The following TUSC3 variants were observed in gnomAD, a reference collection of about 807,000 sequenced individuals.
The protein encoded by TUSC3 is dolichyl-diphosphooligosaccharide--protein glycosyltransferase subunit TUSC3.
In TUSC3, 45 loss-of-function variants were observed where a neutral mutation model predicts 44.8. That is an observed-to-expected ratio of 1.00 (90% confidence interval 0.79 to 1.29). The LOEUF is 1.29. Among genes scored for constraint, TUSC3 ranks in the 50% most tolerant of loss-of-function variants. The probability of loss-of-function intolerance (pLI) is 0.00; values close to 1 mark genes in which losing one functional copy is unlikely to be tolerated. For synonymous variants in TUSC3, 212 were observed against 152.9 expected, an observed-to-expected ratio of 1.39 and a Z score of -2.85; for missense variants, 519 against 437.9, an observed-to-expected ratio of 1.19 and a Z score of -1.65.
chr8:15,638,649 C>G (rs1477119146), intron 2 of TUSC3, among the ~76,000 whole-genome samples: 1 of 150,722 alleles, frequency 6.6e-6, no homozygotes, highest in Non-Finnish European at 1.5e-5. Flanking sequence ...CTGCAGCCTC[C>G]TTAGTAGCTG....
intron 1 of TUSC3, among the ~76,000 whole-genome samples, chr8:15,422,423 G>T (rs985749242): frequency 3.3e-5 from 5 of 152,066 alleles, no homozygotes; most frequent in African/African-American, 1.2e-4. Context: ...AATGGGGACC[G>T]GCAGAGTAGG....
intron 7 of TUSC3, chr8:15,733,344 T>G (rs561870100): frequency 7.5e-6 from 3 of 400,866 alleles, no homozygotes; most frequent in Non-Finnish European, 1.4e-5. Flanking sequence ...TATTATAGCT[T>G]CTTTTTGTTT....
intron 6 of TUSC3, among the ~76,000 whole-genome samples, chr8:15,706,139 G>A (rs773509856): frequency 1.8e-4 from 28 of 151,840 alleles, no homozygotes; most frequent in Admixed American, 8.5e-4. Flanking sequence ...TACTTCTGAT[G>A]TATTATAATA....
intron 4 of TUSC3, among the ~76,000 whole-genome samples, chr8:15,660,388 A>G (rs1229164319): frequency 6.6e-6 from 1 of 152,056 alleles, no homozygotes; most frequent in African/African-American, 2.4e-5. Context: ...TTAGTTTTTT[A>G]TAAAGTACAA....
At chr8:15,553,607 A>T (rs1244572990) in intron 1 of TUSC3, among the ~76,000 whole-genome samples, 3 of 151,628 alleles carry the variant, frequency 2.0e-5, no homozygotes, top group Non-Finnish European at 4.4e-5. Context: ...TAACAACTGA[A>T]CAGTTCTTCG....
rs1812062371 is a variant in TUSC3, at chr8:15,759,162, C to T, written c.*46+1307C>T. Among the ~76,000 whole-genome samples the T allele has an allele frequency of 2.0e-5, 3 of 152,306 alleles. No individual in the cohort carries two copies. The South Asian group carries it at 6.2e-4, about 32-fold the overall frequency. ...ATGGGCCGGAATGAAAATTCAACCA[C>T]TGGCCTATCTGTGCTTAGTGAACAA... On this transcript the variant is annotated intron_variant, in intron 10 of 10. Transcript: ENST00000503731.
chr8:15,455,204 G>A (rs1800239065), intron 1 of TUSC3, among the ~76,000 whole-genome samples: 1 of 152,086 alleles, frequency 6.6e-6, no homozygotes, highest in African/African-American at 2.4e-5. Flanking sequence ...GTGACCTCTG[G>A]CATTTGTCCT....
intron 1 of TUSC3, among the ~76,000 whole-genome samples, chr8:15,438,782 C>G (rs1254366129): frequency 6.6e-6 from 1 of 152,128 alleles, no homozygotes; most frequent in Admixed American, 6.5e-5. Flanking sequence ...TAAATTTCTC[C>G]TGACAATCCT....
intron 1 of TUSC3, among the ~76,000 whole-genome samples, chr8:15,456,065 A>G (rs1337877590): frequency 2.0e-5 from 3 of 152,130 alleles, no homozygotes; most frequent in Admixed American, 1.3e-4. Flanking sequence ...TAGGAGGATC[A>G]TTTCCCACAC....
At chr8:15,729,152 G>A (rs1810613011) in intron 6 of TUSC3, among the ~76,000 whole-genome samples, 1 of 152,148 alleles carries the variant, frequency 6.6e-6, no homozygotes, top group Non-Finnish European at 1.5e-5. Flanking sequence ...TTTTGCAGTT[G>A]TTACGTAAAT....
At chr8:15,441,339 G>A (rs148196894) in intron 1 of TUSC3, among the ~76,000 whole-genome samples, 80 of 152,282 alleles carry the variant, frequency 5.3e-4, no homozygotes, top group African/African-American at 1.9e-3. Flanking sequence ...CCCAGGAGGT[G>A]GAGTTTTCAG....
chr8:15,619,907 G>C (rs1585160314), intron 1 of TUSC3, among the ~76,000 whole-genome samples: 1 of 152,136 alleles, frequency 6.6e-6, no homozygotes, highest in Non-Finnish European at 1.5e-5. Context: ...GAAAGAGAGA[G>C]CATTCAGAAT....
intron 4 of TUSC3, among the ~76,000 whole-genome samples, chr8:15,661,907 A>G (rs1261302393): frequency 1.3e-5 from 2 of 152,054 alleles, no homozygotes; most frequent in African/African-American, 2.4e-5. Context: ...ATATAAAAAT[A>G]GCTGATAAGC....
rs1563173947 is a variant in TUSC3 at position 15,689,501 on chromosome 8, C to T, written c.798+15665C>T. 4 of 170,592 alleles carry T rather than the reference C, an allele frequency of 2.3e-5. No individual in the cohort carries two copies. The South Asian group carries it at 4.6e-4, about 20-fold the overall frequency. The allele number at this position is 170,592 out of a possible 1,614,324, so 10.6% of individuals were successfully genotyped here. A position where few individuals can be genotyped will look rare whatever the true frequency, so the allele number is the denominator to read the frequency against. On this transcript the variant is annotated intron_variant, in intron 6 of 10. Transcript: ENST00000503731. ...CTTCACTGGCGCCAGCCACTCCGTT[C>T]CCCAGGACAGGATCCCCAGGGGTGC...
chr8:15,692,952 TTTTGTCTGAAATTGGAATACC>T (rs886103855), intron 6 of TUSC3, among the ~76,000 whole-genome samples: 1 of 152,176 alleles, frequency 6.6e-6, no homozygotes, highest in Non-Finnish European at 1.5e-5. Context: ...TTAAAGAATG[TTTTGTCTGAAATTGGAATACC>T]AAACTCTGCT....
chr8:15,668,485 T>C (rs1807780190), intron 5 of TUSC3, among the ~76,000 whole-genome samples: 1 of 151,718 alleles, frequency 6.6e-6, no homozygotes. Context: ...GATACAAAGA[T>C]AAGACAAGTG....
chr8:15,487,899 ATTTTTTTTTT>A (rs11307186), intron 2 of TUSC3, among the ~76,000 whole-genome samples: 1 of 138,370 alleles, frequency 7.2e-6, no homozygotes, highest in Non-Finnish European at 1.6e-5. Context: ...TGTGCTGGCA[ATTTTTTTTTT>A]TTTTTTTTTA....
At chr8:15,524,266 A>G (rs1439930759) in intron 2 of TUSC3, among the ~76,000 whole-genome samples, 1 of 152,160 alleles carries the variant, frequency 6.6e-6, no homozygotes, top group African/African-American at 2.4e-5. Flanking sequence ...AAGCCTATTT[A>G]TATAATATAT....
chr8:15,730,346 A>C (rs920398474), intron 6 of TUSC3, among the ~76,000 whole-genome samples: 1 of 152,106 alleles, frequency 6.6e-6, no homozygotes, highest in Non-Finnish European at 1.5e-5. Context: ...ATGTTTTGCT[A>C]TATTTTGTAC....
Sources: gnomAD v4.1 joint callset for allele counts (sites outside exome capture counted in the v4.1 genomes callset) on GRCh38, gnomAD v4.1.1 for gene constraint, MANE v1.5 for transcripts, NCBI Gene and HGNC (gene_info 2026-07-23, HGNC 2026-07-21) for gene names.